PUDP: variants seen among roughly 807,000 people sequenced by gnomAD.
The protein encoded by PUDP is pseudouridine-5'-phosphatase.
PUDP carries 8 observed loss-of-function variants against 9.4 expected under a neutral mutation model. The observed-to-expected ratio is 0.85, with a 90% confidence interval of 0.50 to 1.53. The LOEUF is 1.53. PUDP is among the 40% of genes most tolerant of loss of function. The pLI is 0.00. For synonymous variants in PUDP, 99 were observed against 80.7 expected (o/e 1.23, Z -1.22); for missense variants, 188 against 189.7 (o/e 0.99, Z 0.05).
At chrX:7,071,908 C>T (rs1906313836) in intron 3 of PUDP, among the ~76,000 whole-genome samples, 1 of 110,364 alleles carries the variant, frequency 9.1e-6, no homozygotes, top group African/African-American at 3.3e-5. Flanking sequence ...TCCTAAGTAG[C>T]TGAGACTACA....
At chrX:6,856,118 C>T (rs775104518) in intron 3 of PUDP, among the ~76,000 whole-genome samples, 4 of 110,906 alleles carry the variant, frequency 3.6e-5, no homozygotes, top group Non-Finnish European at 3.8e-5. Flanking sequence ...ATTGCTCTTA[C>T]GTGCATGTGA....
chrX:6,817,516 TG>T (rs750851316), intron 3 of PUDP, among the ~76,000 whole-genome samples: 2 of 112,145 alleles, frequency 1.8e-5, no homozygotes, highest in Admixed American at 1.9e-4. Context: ...GGTCTGGATG[TG>T]GTCACCTGGG....
chrX:6,986,658 T>C (rs1165922281), intron 1 of PUDP, among the ~76,000 whole-genome samples: 1 of 111,814 alleles, frequency 8.9e-6, no homozygotes, highest in Non-Finnish European at 1.9e-5. Flanking sequence ...GGCTCGGGTC[T>C]GACATGAACC....
At chrX:6,907,810 G>A (rs1256402669) in intron 3 of PUDP, among the ~76,000 whole-genome samples, 1 of 111,882 alleles carries the variant, frequency 8.9e-6, no homozygotes, top group Non-Finnish European at 1.9e-5. Context: ...GGGCAAGAGG[G>A]TGAAGGGTAC....
chrX:6,794,182 C>T lies in PUDP; in HGVS notation c.*248-87716G>A, dbSNP rs189986583. On this transcript the variant is annotated intron_variant and NMD_transcript_variant, in intron 3 of 3. Transcript: ENST00000655425. ...CGATGGGGACACACTCTGAGAAAGG[C>T]GTCATTAGGATGCAAACCTGGATGT... 1.7e-4 allele frequency among the ~76,000 whole-genome samples: 19 copies of T among 112,288 alleles called. No homozygotes were observed. In the East Asian group the frequency reaches 4.2e-3, roughly 25 times the overall value.
At chrX:7,107,194 G>A (rs1428058551) in intron 1 of PUDP, among the ~76,000 whole-genome samples, 2 of 112,502 alleles carry the variant, frequency 1.8e-5, no homozygotes, top group Non-Finnish European at 3.8e-5. Context: ...AGCATTAGCA[G>A]GACGTAGTCT....
At chrX:6,816,617 GT>G (rs1926240587) in intron 3 of PUDP, among the ~76,000 whole-genome samples, 1 of 99,432 alleles carries the variant, frequency 1.0e-5, no homozygotes, top group Non-Finnish European at 2.0e-5. Context: ...CTATATGTAT[GT>G]ATACTATACA....
At chrX:6,721,095 C>T (rs772639733) in intron 1 of PUDP, among the ~76,000 whole-genome samples, 1 of 111,686 alleles carries the variant, frequency 9.0e-6, no homozygotes, top group Non-Finnish European at 1.9e-5. Context: ...AGAAAAGATG[C>T]AAATATCCCA....
At chrX:6,882,827 T>C (rs12689081) in intron 3 of PUDP, among the ~76,000 whole-genome samples, 12,452 of 110,231 alleles carry the variant, frequency 0.11, 758 homozygotes, top group East Asian at 0.46. Flanking sequence ...TGAGGCTGGG[T>C]TGGGTCGCTA....
chrX:6,741,999 G>A (rs769714464), intron 3 of PUDP, among the ~76,000 whole-genome samples: 2 of 110,458 alleles, frequency 1.8e-5, no homozygotes, highest in African/African-American at 3.3e-5. Flanking sequence ...GGGATTACAG[G>A]CACATGGCAC....
intron 2 of PUDP, among the ~76,000 whole-genome samples, chrX:7,077,671 C>T (rs765842084): frequency 4.9e-4 from 55 of 112,274 alleles, no homozygotes; most frequent in African/African-American, 1.8e-3. Context: ...GGCGGTTGAG[C>T]GATACGTTTC....
chrX:6,950,702 G>A (rs1044883138), intron 3 of PUDP, among the ~76,000 whole-genome samples: 2 of 110,732 alleles, frequency 1.8e-5, no homozygotes, highest in African/African-American at 3.3e-5. Flanking sequence ...GAGCCACTGC[G>A]TCTGGCCATC....
At chrX:6,832,820 C>T (rs1926523261) in intron 3 of PUDP, among the ~76,000 whole-genome samples, 1 of 112,029 alleles carries the variant, frequency 8.9e-6, no homozygotes, top group Non-Finnish European at 1.9e-5. Context: ...TAGAATTGTA[C>T]TACTCAGCTG....
intron 3 of PUDP, among the ~76,000 whole-genome samples, chrX:6,785,056 G>C (rs1034913683): frequency 1.8e-5 from 2 of 112,379 alleles, no homozygotes; most frequent in African/African-American, 6.5e-5. Flanking sequence ...ATCTTTCCAC[G>C]ACGTTATCTT....
intron 1 of PUDP, among the ~76,000 whole-genome samples, chrX:6,995,067 G>T (rs1929232932): frequency 9.0e-6 from 1 of 111,221 alleles, no homozygotes; most frequent in Admixed American, 9.5e-5. Flanking sequence ...AGACTTATGA[G>T]AATATTATGA....
intron 1 of PUDP, among the ~76,000 whole-genome samples, chrX:7,008,743 C>T (rs1929437326): frequency 8.9e-6 from 1 of 111,876 alleles, no homozygotes; most frequent in African/African-American, 3.3e-5. Context: ...ATACATTCTG[C>T]CTAAGGAAAA....
intron 3 of PUDP, among the ~76,000 whole-genome samples, chrX:6,884,119 C>T (rs887094970): frequency 2.7e-5 from 3 of 112,284 alleles, no homozygotes; most frequent in Non-Finnish European, 5.6e-5. Context: ...GGATTACAGG[C>T]GTGAGCCACC....
intron 1 of PUDP, among the ~76,000 whole-genome samples, chrX:7,109,398 C>A (rs1159566990): frequency 4.5e-5 from 5 of 112,070 alleles, no homozygotes; most frequent in African/African-American, 1.6e-4. Context: ...AGTGAAGGAA[C>A]AGAACAGAGG....
intron 1 of PUDP, among the ~76,000 whole-genome samples, chrX:7,040,116 C>G (rs1260868040): frequency 3.6e-5 from 4 of 112,241 alleles, no homozygotes; most frequent in African/African-American, 1.3e-4. Flanking sequence ...GCTGAAAATT[C>G]AGCATGGAAG....
Sources: allele counts gnomAD v4.1 joint callset (sites outside exome capture counted in the v4.1 genomes callset), GRCh38; gene constraint gnomAD v4.1.1; transcripts MANE v1.5; gene names NCBI Gene and HGNC (gene_info 2026-07-23, HGNC 2026-07-21).